Variants in SPDYA observed in about 807,000 individuals in gnomAD.
SPDYA encodes the protein speedy protein A.
In SPDYA, 11 loss-of-function variants were observed where a neutral mutation model predicts 36.7. The ratio of observed to expected loss-of-function variants is 0.30; its 90% CI spans 0.19 to 0.50. The LOEUF is 0.50. Ranked by LOEUF, SPDYA falls within the 20% of genes least tolerant of loss-of-function variation. SPDYA has a pLI of 0.98. For synonymous variants in SPDYA, 115 were observed against 118.7 expected, an observed-to-expected ratio of 0.97 and a Z score of 0.20; for missense variants, 287 against 370.9, an observed-to-expected ratio of 0.77 and a Z score of 1.86.
intron 7 of SPDYA, chr2:28,842,180 A>C (rs1221523103): frequency 6.6e-6 from 1 of 152,162 alleles, no homozygotes; most frequent in African/African-American, 2.4e-5. Flanking sequence ...TTTTGATGCA[A>C]TCCTGCTGTT....
rs767017206 is a variant in SPDYA at position 28,849,860 on chromosome 2, C to A, written c.861C>A (p.Asp287Glu). 4 of 1,555,012 alleles carry A rather than the reference C, an allele frequency of 2.6e-6. No homozygotes were observed. The highest frequency in any genetic ancestry group is 4.0e-5 in the Admixed American group (2 of 50,322). ...CATATTTTATTTCAGTAGTCAATGA[C>A]CATCAATCAAATAAAGGAAAGAAAA... Reference protein sequence around the residue: ...QAYTGSEVVNDHQSNKGKKTN... With the variant: ...QAYTGSEVVNEHQSNKGKKTN... Residue 287 changes from aspartate (D) to glutamate (E), a missense_variant, in exon 8 of 8, where the codon GAC becomes GAA. Physicochemically the swap from Asp to Glu is conservative, Grantham distance 45. Transcript: ENST00000334056.
At chr2:28,827,384 A>G (rs1668355708) in intron 5 of SPDYA, among the ~76,000 whole-genome samples, 2 of 151,808 alleles carry the variant, frequency 1.3e-5, no homozygotes, top group Admixed American at 6.6e-5. Flanking sequence ...TAAAAGTTCT[A>G]TTTTCTTCTT....
intron 7 of SPDYA, among the ~76,000 whole-genome samples, chr2:28,843,550 CAA>C (rs371405702): frequency 4.5e-5 from 5 of 110,740 alleles, no homozygotes; most frequent in African/African-American, 1.4e-4. Flanking sequence ...AACTTCGTCT[CAA>C]AAAAAAAAAA....
At chr2:28,837,960 T>G (rs937328451) in intron 6 of SPDYA, among the ~76,000 whole-genome samples, 1 of 151,120 alleles carries the variant, frequency 6.6e-6, no homozygotes, top group Admixed American at 6.6e-5. Context: ...TTAGGAACAC[T>G]GACCCAAGGC....
At chr2:28,824,852 GA>G (rs1009336008) in intron 5 of SPDYA, among the ~76,000 whole-genome samples, 4 of 152,038 alleles carry the variant, frequency 2.6e-5, no homozygotes, top group Non-Finnish European at 5.9e-5. Context: ...CCCAGCCAAA[GA>G]AACTGATTTC....
At chr2:28,847,683 T>C (rs927972890) in intron 7 of SPDYA, among the ~76,000 whole-genome samples, 18 of 149,352 alleles carry the variant, frequency 1.2e-4, no homozygotes, top group African/African-American at 4.4e-4. Context: ...GAGTTGGAGG[T>C]TGCAGTGAGC....
At position 28,840,459 on chromosome 2, in the gene SPDYA, T is replaced by C. The variant is rs2148104716; in HGVS notation, c.840T>C (p.Thr280=). The C allele has an allele frequency of 6.2e-7, 1 of 1,613,786 alleles. No homozygotes were observed. Among genetic ancestry groups the C allele is most frequent in the Non-Finnish European group, 8.5e-7 (1 of 1,179,900 alleles). Residue 280 remains threonine (T), a synonymous_variant, in exon 7 of 8, where the codon ACT becomes ACC. Coordinates refer to ENST00000334056, the MANE Select transcript of SPDYA (RefSeq NM_182756.4). ...DIIGDPSQAY[T]GSEVVNDHQS... ...TAGGTGATCCTTCTCAAGCTTATAC[T>C]GGTTCTGAAGGTATGATTTAGTAAT...
intron 5 of SPDYA, among the ~76,000 whole-genome samples, chr2:28,828,536 C>A (rs1162217421): frequency 6.6e-6 from 1 of 152,136 alleles, no homozygotes; most frequent in African/African-American, 2.4e-5. Flanking sequence ...TTTATGTCAA[C>A]CATGGGTATC....
chr2:28,840,508 G>A (rs377575654), intron 7 of SPDYA, 39 bp downstream of exon 7: 83 of 1,603,630 alleles, frequency 5.2e-5, no homozygotes, highest in Non-Finnish European at 6.5e-5. Flanking sequence ...ATTTATGCAT[G>A]TTGTTTACTG....
chr2:28,818,832 C>G (rs1443358180), intron 3 of SPDYA, among the ~76,000 whole-genome samples: 1 of 152,170 alleles, frequency 6.6e-6, no homozygotes, highest in East Asian at 1.9e-4. Context: ...TAAGGCAAAT[C>G]AGATGGCTTG....
At chr2:28,822,237 T>C in intron 4 of SPDYA, 88 bp from the exon 5 acceptor site, 1 of 556,966 alleles carries the variant, frequency 1.8e-6, no homozygotes. Flanking sequence ...AGCTTATTCA[T>C]CAGAAAATTT....
chr2:28,819,918 G>A lies in SPDYA; in HGVS notation c.294+812G>A, dbSNP rs939584250. Among the ~76,000 whole-genome samples, 35 of 130,024 alleles carry A rather than the reference G, an allele frequency of 2.7e-4. 1 individual carries two copies. In the Admixed American group the frequency reaches 2.7e-3, roughly 10 times the overall value. 85.3% of individuals were successfully genotyped at this position (130,024 alleles called of 152,430 possible). A position where few individuals can be genotyped will look rare whatever the true frequency, so the allele number is the denominator to read the frequency against. ...TATATATATATTTTATCCTGAGGCAGGAGGATTGCTTGAGCCAGGGAGATC... is the reference window on the plus strand; with the variant it reads ...TATATATATATTTTATCCTGAGGCAAGAGGATTGCTTGAGCCAGGGAGATC... On this transcript the variant is annotated intron_variant, in intron 4 of 7. Transcript: ENST00000334056.
intron 6 of SPDYA, among the ~76,000 whole-genome samples, chr2:28,833,540 T>C (rs929621718): frequency 6.6e-6 from 1 of 152,194 alleles, no homozygotes; most frequent in Non-Finnish European, 1.5e-5. Context: ...CTCCATGGAA[T>C]AGAAGTGTCC....
chr2:28,838,929 C>T (rs116577141), intron 6 of SPDYA, among the ~76,000 whole-genome samples: 119 of 152,310 alleles, frequency 7.8e-4, no homozygotes, highest in Middle Eastern at 3.4e-3. Flanking sequence ...GTCCAGCTCT[C>T]GAATGTTACA....
chr2:28,849,874 A>T lies in SPDYA; in HGVS notation c.875A>T (p.Lys292Ile). ...SEVVNDHQSN[K>I]GKKTNFLKKD... is the part of the protein sequence containing the mutation. ...GTAGTCAATGACCATCAATCAAATA[A>T]AGGAAAGAAAACTAATTTCTTGAAG... The change falls in exon 8 of 8, where the codon AAA becomes ATA. Residue 292 changes from lysine to isoleucine, a missense_variant. Transcript: ENST00000334056. 6.3e-7 allele frequency: 1 copy of T among 1,582,490 alleles called. No individual in the cohort carries two copies. The highest frequency in any genetic ancestry group is 8.6e-7 in the Non-Finnish European group (1 of 1,166,940).
At chr2:28,816,297 C>A in intron 3 of SPDYA, 48 bp downstream of exon 3, 1 of 1,329,260 alleles carries the variant, frequency 7.5e-7, no homozygotes, top group South Asian at 1.4e-5. Flanking sequence ...TACTAAAAAC[C>A]TAGAATGTAA....
rs1669041316 is a variant in SPDYA, at chr2:28,850,534, T to C, written c.*593T>C. 1.6e-6 allele frequency: 1 copy of C among 631,362 alleles called. No homozygotes were observed. Among genetic ancestry groups the C allele is most frequent in the African/African-American group, 1.8e-5 (1 of 54,086 alleles). 39.1% of individuals were successfully genotyped at this position (631,362 alleles called of 1,614,324 possible). A position where few individuals can be genotyped will look rare whatever the true frequency, so the allele number is the denominator to read the frequency against. ...TTTATTTATTTCCTTGCATATGTTTTAGAGCTACTCTGCCAGTTATTATAC... is the reference window on the plus strand; with the variant it reads ...TTTATTTATTTCCTTGCATATGTTTCAGAGCTACTCTGCCAGTTATTATAC... On this transcript the variant is annotated 3_prime_UTR_variant, in exon 8 of 8. Transcript: ENST00000334056.
chr2:28,842,894 T>G (rs1668782088), intron 7 of SPDYA, among the ~76,000 whole-genome samples: 1 of 152,142 alleles, frequency 6.6e-6, no homozygotes, highest in East Asian at 1.9e-4. Flanking sequence ...CAGCTGCTGA[T>G]TTAGTGACCT....
chr2:28,817,090 A>G (rs1000872430), intron 3 of SPDYA, among the ~76,000 whole-genome samples: 13 of 152,206 alleles, frequency 8.5e-5, no homozygotes, highest in Admixed American at 2.0e-4. Flanking sequence ...TGTAAGGAAT[A>G]TAAGTAGAAA....
Sources: allele counts gnomAD v4.1 joint callset (sites outside exome capture counted in the v4.1 genomes callset), GRCh38; gene constraint gnomAD v4.1.1; transcripts MANE v1.5; gene names NCBI Gene and HGNC (gene_info 2026-07-23, HGNC 2026-07-21).